The following SPATS2 variants were observed in gnomAD, a reference collection of about 807,000 sequenced individuals.
The protein encoded by SPATS2 is spermatogenesis associated serine rich 2, also known as spermatogenesis-associated serine-rich protein 2.
SPATS2 carries 38 observed loss-of-function variants against 63.7 expected under a neutral mutation model. That is an observed-to-expected ratio of 0.60 (90% CI 0.46 to 0.78). The LOEUF (loss-of-function observed/expected upper bound fraction) is 0.78. Ranked by LOEUF, SPATS2 falls within the 30% of genes least tolerant of loss-of-function variation. The probability of loss-of-function intolerance (pLI) is 0.00; values close to 1 mark genes in which losing one functional copy is unlikely to be tolerated. For missense variants in SPATS2, 588 were observed against 666.2 expected (o/e 0.88, Z 1.29); for synonymous variants, 207 against 232.9 (o/e 0.89, Z 1.01).
At chr12:49,459,116 A>T (rs1945772654) in intron 2 of SPATS2, among the ~76,000 whole-genome samples, 1 of 152,172 alleles carries the variant, frequency 6.6e-6, no homozygotes, top group Non-Finnish European at 1.5e-5. Flanking sequence ...AAGTTTCGTA[A>T]TTGGGAAATC....
intron 2 of SPATS2, among the ~76,000 whole-genome samples, chr12:49,460,322 T>C (rs1393463878): frequency 6.7e-6 from 1 of 149,214 alleles, no homozygotes; most frequent in East Asian, 2.0e-4. Context: ...GGCGTGGTGG[T>C]GCACGCCTGT....
intron 2 of SPATS2, among the ~76,000 whole-genome samples, chr12:49,428,092 A>G (rs1418114215): frequency 7.2e-5 from 11 of 152,096 alleles, no homozygotes; most frequent in East Asian, 1.9e-4. Flanking sequence ...CGTCTCTACT[A>G]AAAATACAGA....
rs765654536 is a variant in SPATS2, at chr12:49,461,061, T to C, written c.25+24T>C. 3.7e-6 allele frequency: 6 copies of C among 1,612,798 alleles called. No homozygotes were observed. The African/African-American group carries it at 8.0e-5, about 22-fold the overall frequency. On this transcript the variant is annotated intron_variant, in intron 3 of 13. Transcript: ENST00000552918. ...GGGTAAGATTACATGTGGGCATAAA[T>C]TGTTAAAAGCATAGTTATAATGATC...
intron 4 of SPATS2, among the ~76,000 whole-genome samples, chr12:49,488,125 A>C (rs1411682949): frequency 6.7e-6 from 1 of 149,924 alleles, no homozygotes; most frequent in African/African-American, 2.5e-5. Context: ...ACTCACTGCA[A>C]CCTCCACCTC....
At chr12:49,458,567 G>A (rs915558451) in intron 2 of SPATS2, among the ~76,000 whole-genome samples, 7 of 151,892 alleles carry the variant, frequency 4.6e-5, no homozygotes, top group Non-Finnish European at 8.8e-5. Context: ...ATTACTTGAG[G>A]TCAGGAGTTC....
chr12:49,423,379 G>C (rs1482809167), intron 2 of SPATS2, among the ~76,000 whole-genome samples: 2 of 152,082 alleles, frequency 1.3e-5, no homozygotes, highest in Non-Finnish European at 2.9e-5. Context: ...TGATCCTCCT[G>C]CCTTGATCTC....
At chr12:49,437,470 A>G (rs1945333975) in intron 2 of SPATS2, among the ~76,000 whole-genome samples, 1 of 152,218 alleles carries the variant, frequency 6.6e-6, no homozygotes, top group Non-Finnish European at 1.5e-5. Flanking sequence ...TGGGGGGCCA[A>G]GGCAGGCAGC....
intron 11 of SPATS2, among the ~76,000 whole-genome samples, chr12:49,520,592 G>A (rs1408062416): frequency 6.6e-6 from 1 of 152,190 alleles, no homozygotes; most frequent in African/African-American, 2.4e-5. Context: ...GCCTAGCACA[G>A]CACCTTGGCA....
chr12:49,509,531 G>A (rs755805945), intron 9 of SPATS2, among the ~76,000 whole-genome samples: 1 of 152,166 alleles, frequency 6.6e-6, no homozygotes, highest in Middle Eastern at 3.4e-3. Flanking sequence ...CGGCCTCCCA[G>A]AGTGCTGTGA....
chr12:49,386,961 G>A (rs997665303), intron 2 of SPATS2: 3 of 152,208 alleles, frequency 2.0e-5, no homozygotes, highest in African/African-American at 4.8e-5. Flanking sequence ...ATCACTGAGA[G>A]TTAAGATAGT....
intron 3 of SPATS2, among the ~76,000 whole-genome samples, chr12:49,469,181 T>A (rs1163838700): frequency 6.6e-6 from 1 of 151,698 alleles, no homozygotes; most frequent in African/African-American, 2.4e-5. Context: ...GCAGATCACT[T>A]GAGGTCAGGA....
intron 2 of SPATS2, among the ~76,000 whole-genome samples, chr12:49,456,051 C>T (rs943629475): frequency 4.6e-5 from 7 of 152,174 alleles, no homozygotes; most frequent in African/African-American, 7.2e-5. Context: ...ACCAAGAAAG[C>T]GAACTGTTAC....
chr12:49,453,027 CG>C (rs1945651851), intron 2 of SPATS2, among the ~76,000 whole-genome samples: 1 of 151,842 alleles, frequency 6.6e-6, no homozygotes, highest in Non-Finnish European at 1.5e-5. Context: ...GACGTGATGG[CG>C]GGCGCCTGTA....
chr12:49,369,266 A>T (rs1236622595), intron 1 of SPATS2, among the ~76,000 whole-genome samples: 1 of 151,864 alleles, frequency 6.6e-6, no homozygotes, highest in Non-Finnish European at 1.5e-5. Flanking sequence ...TGACCTCTTG[A>T]TCCATCTGAC....
chr12:49,368,833 A>G (rs989975713), intron 1 of SPATS2, among the ~76,000 whole-genome samples: 3 of 152,084 alleles, frequency 2.0e-5, no homozygotes, highest in Admixed American at 6.6e-5. Flanking sequence ...TTTGTTGGGC[A>G]TTAAGTTTTG....
chr12:49,420,869 G>A (rs1411993698), intron 2 of SPATS2, among the ~76,000 whole-genome samples: 1 of 152,066 alleles, frequency 6.6e-6, no homozygotes, highest in Non-Finnish European at 1.5e-5. Flanking sequence ...AACAAAATTA[G>A]CCAGGTGCAT....
intron 3 of SPATS2, among the ~76,000 whole-genome samples, chr12:49,479,623 A>G (rs1300111236): frequency 1.3e-5 from 2 of 152,132 alleles, no homozygotes; most frequent in Non-Finnish European, 2.9e-5. Flanking sequence ...GCCCCAACTC[A>G]GAAGGGGTAG....
At chr12:49,420,044 G>T (rs543933617) in intron 2 of SPATS2, among the ~76,000 whole-genome samples, 2 of 152,292 alleles carry the variant, frequency 1.3e-5, no homozygotes, top group Admixed American at 1.3e-4. Context: ...TTTGTGAGTT[G>T]TGGGCTCTTT....
chr12:49,439,533 C>G (rs1292524952), intron 2 of SPATS2, among the ~76,000 whole-genome samples: 1 of 152,170 alleles, frequency 6.6e-6, no homozygotes, highest in East Asian at 1.9e-4. Context: ...TTAGAACTTG[C>G]TGATCGTTTG....
Sources: allele counts gnomAD v4.1 joint callset (sites outside exome capture counted in the v4.1 genomes callset), GRCh38; gene constraint gnomAD v4.1.1; transcripts MANE v1.5; gene names NCBI Gene and HGNC (gene_info 2026-07-23, HGNC 2026-07-21).